Variants in OC90 observed in about 807,000 individuals in gnomAD.
The protein encoded by OC90 is otoconin-90.
In OC90, 46 loss-of-function variants were observed where a neutral mutation model predicts 47.3. The observed-to-expected ratio is 0.97, with a 90% CI of 0.77 to 1.24. The LOEUF (loss-of-function observed/expected upper bound fraction) is 1.24, where lower values mean the gene tolerates loss of function less well. Among genes scored for constraint, OC90 ranks in the 50% most tolerant of loss-of-function variants. The pLI, the probability that OC90 is intolerant of heterozygous loss-of-function variation, is 0.00. For missense variants in OC90, 688 were observed against 583.9 expected (o/e 1.18, Z -1.84); for synonymous variants, 271 against 219.5 (o/e 1.23, Z -2.07).
In OC90 at chr8:132,024,288, C is replaced by T. The variant is rs778169315; in HGVS notation, c.*193G>A. On this transcript the variant is annotated 3_prime_UTR_variant, in exon 14 of 14. Transcript: ENST00000254627. The stretch of plus-strand genomic sequence containing the variant: ...TGGAGGTACCATGGTGTGCCTTCTC[C>T]AAGTGTACATTGGCTTGTGAGGTGA... 2.0e-6 allele frequency: 1 copy of T among 507,910 alleles called. No individual in the cohort carries two copies. The highest frequency in any genetic ancestry group is 3.5e-6 in the Non-Finnish European group (1 of 287,690). 31.5% of individuals were successfully genotyped at this position (507,910 alleles called of 1,614,324 possible). A position where few individuals can be genotyped will look rare whatever the true frequency, so the allele number is the denominator to read the frequency against.
In OC90 at chr8:132,045,877, T is replaced by C; in HGVS notation, c.53A>G (p.His18Arg). 1 of 1,536,274 alleles carries C rather than the reference T, an allele frequency of 6.5e-7. No homozygotes were observed. Among genetic ancestry groups the C allele is most frequent in the Non-Finnish European group, 8.8e-7 (1 of 1,132,962 alleles). Reference sequence around the variant, plus strand: ...TGGAAGATGTGGAGTGTCCAGAGGATGGCCTCCTATAAATAAGGAAGAGAA... The same window carrying C: ...TGGAAGATGTGGAGTGTCCAGAGGACGGCCTCCTATAAATAAGGAAGAGAA... ...SVLMIPHAGG[H>R]PLDTPHLPQE... is the part of the protein sequence containing the mutation. Residue 18 changes from histidine to arginine, a missense_variant, in exon 3 of 14, where the codon CAT becomes CGT. His to Arg is a conservative substitution (Grantham distance 29, BLOSUM62 0). Transcript: ENST00000254627.
At chr8:132,052,438 C>G (rs1054054207) in intron 2 of OC90, among the ~76,000 whole-genome samples, 27 of 152,188 alleles carry the variant, frequency 1.8e-4, no homozygotes, top group African/African-American at 6.5e-4. Flanking sequence ...TATTACTGCA[C>G]TCTATTCCTT....
chr8:132,032,289 G>C (rs1822888773), intron 11 of OC90, among the ~76,000 whole-genome samples: 1 of 152,092 alleles, frequency 6.6e-6, no homozygotes, highest in Non-Finnish European at 1.5e-5. Context: ...TGCTCTATAA[G>C]ACTCCTTATT....
chr8:132,025,665 A>G (rs1457252031), intron 13 of OC90, among the ~76,000 whole-genome samples: 1 of 152,204 alleles, frequency 6.6e-6, no homozygotes, highest in African/African-American at 2.4e-5. Flanking sequence ...CAGGCAGGAC[A>G]CTCAAATCTT....
At chr8:132,043,445 C>G (rs901326577) in intron 4 of OC90, among the ~76,000 whole-genome samples, 12 of 152,194 alleles carry the variant, frequency 7.9e-5, no homozygotes, top group Admixed American at 7.9e-4. Context: ...ATACAGCAAA[C>G]AAAATTGGCA....
chr8:132,056,441 A>G (rs1823280366), intron 1 of OC90, among the ~76,000 whole-genome samples: 1 of 152,182 alleles, frequency 6.6e-6, no homozygotes, highest in Non-Finnish European at 1.5e-5. Context: ...TGCAAAATAA[A>G]TGTTTGTTGA....
intron 13 of OC90, among the ~76,000 whole-genome samples, chr8:132,026,711 A>G (rs895122008): frequency 2.6e-5 from 4 of 152,160 alleles, no homozygotes; most frequent in Non-Finnish European, 5.9e-5. Context: ...ATATTGGAGG[A>G]AGGGAGAGCA....
Position 132,041,714 on chromosome 8 carries a change from G to T in OC90, c.170-15C>A. On this transcript the variant is annotated splice_polypyrimidine_tract_variant and intron_variant, in intron 4 of 13. Transcript: ENST00000254627. The stretch of plus-strand genomic sequence containing the variant: ...GCCCAGGCAATCTGTGGGGGTGGGG[G>T]GCAGGGCCTGATAAGCACTGGGAAC... The T allele has an allele frequency of 3.9e-6, 6 of 1,524,736 alleles. No individual in the cohort carries two copies. The highest frequency in any genetic ancestry group is 1.1e-5 in the South Asian group (1 of 88,000). 94.5% of individuals were successfully genotyped at this position (1,524,736 alleles called of 1,614,324 possible).
chr8:132,024,670 T>C lies in OC90; in HGVS notation c.1245A>G (p.Arg415=), dbSNP rs769651334. 3 of 1,613,334 alleles carry C rather than the reference T, an allele frequency of 1.9e-6. No homozygotes were observed. The South Asian group carries it at 3.3e-5, about 18-fold the overall frequency. ...SFNQSLKSPS[R]LGCPGQPAAC... ...CTGCTGGCTGCCCAGGGCACCCGAGTCTGCTTGGGGACTTGAGGCTTTGGT... is the reference window on the plus strand; with the variant it reads ...CTGCTGGCTGCCCAGGGCACCCGAGCCTGCTTGGGGACTTGAGGCTTTGGT... The change falls in exon 14 of 14, where the codon AGA becomes AGG. Residue 415 remains arginine, a synonymous_variant. Transcript: ENST00000254627.
At chr8:132,040,899 T>A (rs1399337591) in intron 6 of OC90, 145 bp downstream of exon 6, 13 of 628,930 alleles carry the variant, frequency 2.1e-5, no homozygotes, top group Non-Finnish European at 1.1e-5. Flanking sequence ...GATCCAGCCC[T>A]CGTGGGGCTC....
intron 11 of OC90, among the ~76,000 whole-genome samples, 170 bp from the exon 12 acceptor site, chr8:132,032,222 C>T (rs1822887970): frequency 6.6e-6 from 1 of 152,202 alleles, no homozygotes; most frequent in African/African-American, 2.4e-5. Context: ...ATGGCTCATC[C>T]CCTGCTTGGG....
intron 1 of OC90, among the ~76,000 whole-genome samples, chr8:132,055,373 T>C (rs1449226042): frequency 6.6e-6 from 1 of 152,200 alleles, no homozygotes; most frequent in Non-Finnish European, 1.5e-5. Context: ...CTTCCAGGCC[T>C]GCCTCGTGTC....
At chr8:132,042,162 T>G (rs755124064) in intron 4 of OC90, among the ~76,000 whole-genome samples, 1 of 152,116 alleles carries the variant, frequency 6.6e-6, no homozygotes, top group South Asian at 2.1e-4. Context: ...CTACCTTGAA[T>G]GTGGATGAGG....
intron 1 of OC90, among the ~76,000 whole-genome samples, chr8:132,056,999 TC>T (rs2130866876): frequency 6.6e-6 from 1 of 152,322 alleles, no homozygotes; most frequent in Non-Finnish European, 1.5e-5. Flanking sequence ...GGCAAGAATG[TC>T]CAGCTTCCCA....
intron 2 of OC90, 22 bp from the exon 3 acceptor site, chr8:132,045,905 T>C: frequency 7.1e-7 from 1 of 1,414,522 alleles, no homozygotes; most frequent in Non-Finnish European, 9.8e-7. Flanking sequence ...GAAGAGAAAG[T>C]AGGGTAAGCA....
chr8:132,051,665 A>T (rs76475843), intron 2 of OC90, among the ~76,000 whole-genome samples: 3,927 of 152,244 alleles, frequency 0.026, 171 homozygotes, highest in African/African-American at 0.087. Context: ...TGACACATGG[A>T]CTCCTGGCGG....
Position 132,041,610 on chromosome 8 carries a change from C to A in OC90, c.259G>T (p.Ala87Ser). ...IQFVNGMKCVAGLCPRDFEDY... is the reference protein window; with the variant it reads ...IQFVNGMKCVSGLCPRDFEDY... The stretch of plus-strand genomic sequence containing the variant: ...TCAAAGTCTCGGGGGCAGAGACCAG[C>A]CACACACTTCATACCATTGACAAAC... The change falls in exon 5 of 14, where the codon GCT becomes TCT. Residue 87 changes from alanine (A) to serine (S), a missense_variant. Ala to Ser is a moderately conservative substitution (Grantham distance 99). Transcript: ENST00000254627. 6.2e-7 allele frequency: 1 copy of A among 1,613,148 alleles called. No homozygotes were observed. The highest frequency in any genetic ancestry group is 8.5e-7 in the Non-Finnish European group (1 of 1,179,570).
intron 5 of OC90, 47 bp downstream of exon 5, chr8:132,041,478 C>A (rs1286844157): frequency 9.0e-6 from 14 of 1,551,128 alleles, no homozygotes; most frequent in Non-Finnish European, 1.2e-5. Flanking sequence ...CCAGGCCTCC[C>A]ATGAGCTCAC....
chr8:132,047,822 C>A (rs1055070037), intron 2 of OC90, among the ~76,000 whole-genome samples: 3 of 152,154 alleles, frequency 2.0e-5, no homozygotes, highest in Non-Finnish European at 4.4e-5. Flanking sequence ...TACCCACTAT[C>A]ATCAATGTAC....
Sources: allele counts gnomAD v4.1 joint callset (sites outside exome capture counted in the v4.1 genomes callset), GRCh38; gene constraint gnomAD v4.1.1; transcripts MANE v1.5; gene names NCBI Gene and HGNC (gene_info 2026-07-23, HGNC 2026-07-21).